PPFIBP1: variants seen among roughly 807,000 people sequenced by gnomAD.
The protein encoded by PPFIBP1 is PPFIB scaffold protein 1, also known as liprin-beta-1.
Under a neutral mutation model 137.8 loss-of-function variants are expected in PPFIBP1, and 112 were observed. That is an observed-to-expected ratio of 0.81 (90% confidence interval 0.70 to 0.95). The LOEUF is 0.95. PPFIBP1 is among the 40% of genes least tolerant of loss of function. The pLI is 0.00. For synonymous variants in PPFIBP1, 378 were observed against 417.3 expected, an observed-to-expected ratio of 0.91 and a Z score of 1.15; for missense variants, 1,083 against 1,196.6, an observed-to-expected ratio of 0.91 and a Z score of 1.40.
intron 21 of PPFIBP1, 112 bp downstream of exon 21, chr12:27,680,173 T>A (rs1298717750): frequency 1.1e-5 from 16 of 1,401,050 alleles, no homozygotes; most frequent in Non-Finnish European, 1.5e-5. Context: ...CTTAATGCTG[T>A]GCCTAATGAA....
intron 13 of PPFIBP1, among the ~76,000 whole-genome samples, chr12:27,670,012 G>A (rs989989592): frequency 2.6e-5 from 4 of 152,174 alleles, no homozygotes; most frequent in Non-Finnish European, 1.5e-5. Context: ...TGACTGGTTG[G>A]CGTGTAGAAG....
At chr12:27,650,270 C>T (rs750163962) in intron 7 of PPFIBP1, 129 bp downstream of exon 7, 73 of 617,862 alleles carry the variant, frequency 1.2e-4, no homozygotes, top group East Asian at 2.3e-4. Context: ...TTAATTACTA[C>T]GTACCATCAT....
At chr12:27,683,608 T>A (rs1273748855) in intron 24 of PPFIBP1, among the ~76,000 whole-genome samples, 1 of 152,158 alleles carries the variant, frequency 6.6e-6, no homozygotes, top group African/African-American at 2.4e-5. Context: ...AGGCTAGACT[T>A]CTACTCTGGT....
rs80200795 is a variant in PPFIBP1 at position 27,651,246 on chromosome 12, A to G, written c.603+1105A>G. Among the ~76,000 whole-genome samples, 1,005 of 152,098 alleles carry G rather than the reference A, an allele frequency of 6.6e-3. 11 individuals carry two copies. Among genetic ancestry groups the G allele is most frequent in the African/African-American group, 0.023 (968 of 41,496 alleles). ...TCTTGCTTCCTCCATAGCAAAAGGA[A>G]GTCTTTCATTTGGTTCATGTTTTAA... On this transcript the variant is annotated intron_variant, in intron 7 of 29. Coordinates refer to ENST00000228425, the MANE Select transcript of PPFIBP1 (RefSeq NM_003622.4).
At chr12:27,661,272 T>C (rs558535234) in intron 11 of PPFIBP1, among the ~76,000 whole-genome samples, 2 of 152,348 alleles carry the variant, frequency 1.3e-5, no homozygotes, top group East Asian at 3.9e-4. Context: ...GGCTAACTTT[T>C]GGGCCCTGAA....
intron 4 of PPFIBP1, among the ~76,000 whole-genome samples, chr12:27,637,583 C>G (rs2346756): frequency 0.59 from 89,193 of 151,804 alleles, 26,736 homozygotes; most frequent in Admixed American, 0.65. Flanking sequence ...ATATGAATTC[C>G]TCACCTTGCC....
chr12:27,691,284 A>C (rs1237201518), intron 27 of PPFIBP1, among the ~76,000 whole-genome samples: 1 of 151,932 alleles, frequency 6.6e-6, no homozygotes, highest in Non-Finnish European at 1.5e-5. Flanking sequence ...CTGTCTAATC[A>C]AAACTATGAA....
chr12:27,564,414 T>G (rs1350967902), intron 1 of PPFIBP1, among the ~76,000 whole-genome samples: 1 of 152,186 alleles, frequency 6.6e-6, no homozygotes, highest in African/African-American at 2.4e-5. Context: ...AAAATAAAAT[T>G]CTCTGAGCCC....
chr12:27,667,389 T>C, intron 13 of PPFIBP1, 69 bp downstream of exon 13: 1 of 1,278,960 alleles, frequency 7.8e-7, no homozygotes, highest in Non-Finnish European at 1.0e-6. Context: ...AAAACACTGC[T>C]CATAACATGA....
intron 7 of PPFIBP1, among the ~76,000 whole-genome samples, chr12:27,653,762 C>G (rs751689426): frequency 2.6e-5 from 4 of 152,094 alleles, no homozygotes; most frequent in Non-Finnish European, 5.9e-5. Context: ...ACTCTCTGGG[C>G]TCTTGGACAA....
chr12:27,621,846 A>G (rs1359523406), intron 2 of PPFIBP1, among the ~76,000 whole-genome samples: 4 of 152,202 alleles, frequency 2.6e-5, no homozygotes, highest in Non-Finnish European at 4.4e-5. Context: ...TAATGCAGTG[A>G]GTTTTTGACC....
chr12:27,667,573 A>G (rs2059933130), intron 13 of PPFIBP1, among the ~76,000 whole-genome samples: 2 of 152,246 alleles, frequency 1.3e-5, no homozygotes, highest in Non-Finnish European at 2.9e-5. Flanking sequence ...TACACTCCTT[A>G]CTTTGCATCA....
chr12:27,643,375 A>G (rs1211991938), intron 4 of PPFIBP1, among the ~76,000 whole-genome samples: 1 of 128,822 alleles, frequency 7.8e-6, no homozygotes, highest in Non-Finnish European at 1.6e-5. Flanking sequence ...AGAGTCTATT[A>G]GAAGAGAGAG....
chr12:27,668,867 C>G (rs1190804948), intron 13 of PPFIBP1, among the ~76,000 whole-genome samples: 2 of 152,048 alleles, frequency 1.3e-5, no homozygotes, highest in Non-Finnish European at 2.9e-5. Flanking sequence ...CTAGTCTAGT[C>G]CATCCTGAGG....
Position 27,635,596 on chromosome 12 carries a change from C to T in PPFIBP1, c.270+481C>T, listed in dbSNP as rs78136876. ...TGGCAATCATTTCAGTTCCAGTTCC[C>T]GAATTAAATTGTGGAGTTGGGCCTT... On this transcript the variant is annotated intron_variant, in intron 4 of 29. Transcript: ENST00000228425. 706 of 170,798 alleles carry T rather than the reference C, an allele frequency of 4.1e-3. 3 individuals carry two copies. The highest frequency in any genetic ancestry group is 0.015 in the African/African-American group (649 of 41,968). 10.6% of individuals were successfully genotyped at this position (170,798 alleles called of 1,614,324 possible).
intron 4 of PPFIBP1, among the ~76,000 whole-genome samples, chr12:27,639,502 G>A (rs1306577541): frequency 6.6e-6 from 1 of 152,150 alleles, no homozygotes; most frequent in East Asian, 1.9e-4. Context: ...AGGATCAGGT[G>A]GTGAAATCCC....
chr12:27,597,455 C>T (rs1039204469), intron 2 of PPFIBP1, among the ~76,000 whole-genome samples: 5 of 151,994 alleles, frequency 3.3e-5, no homozygotes, highest in African/African-American at 1.2e-4. Context: ...CGACCGGCCA[C>T]CAAAATGAGA....
intron 5 of PPFIBP1, among the ~76,000 whole-genome samples, chr12:27,647,264 G>A (rs2058575069): frequency 6.6e-6 from 1 of 152,130 alleles, no homozygotes; most frequent in Admixed American, 6.5e-5. Flanking sequence ...GCCTCCCAAA[G>A]TGCTGGGATT....
At chr12:27,674,293 C>T (rs2060368758) in intron 17 of PPFIBP1, 72 bp downstream of exon 17, 4 of 1,185,352 alleles carry the variant, frequency 3.4e-6, no homozygotes, top group Non-Finnish European at 4.8e-6. Flanking sequence ...TAAATGTCTC[C>T]AGTAGATAAA....
Sources: allele counts gnomAD v4.1 joint callset (sites outside exome capture counted in the v4.1 genomes callset), GRCh38; gene constraint gnomAD v4.1.1; transcripts MANE v1.5; gene names NCBI Gene and HGNC (gene_info 2026-07-23, HGNC 2026-07-21).